KCND2: variants seen among roughly 807,000 people sequenced by gnomAD.
KCND2 encodes potassium voltage-gated channel subfamily D member 2.
KCND2 carries 16 observed loss-of-function variants against 54.4 expected under a neutral mutation model. The observed-to-expected ratio is 0.29, with a 90% CI of 0.20 to 0.45. The LOEUF (loss-of-function observed/expected upper bound fraction) is 0.45. Ranked by LOEUF, KCND2 falls within the 20% of genes least tolerant of loss-of-function variation. The pLI is 1.00. For synonymous variants in KCND2, 317 were observed against 310.7 expected, an observed-to-expected ratio of 1.02 and a Z score of -0.21; for missense variants, 486 against 824.2, an observed-to-expected ratio of 0.59 and a Z score of 5.02.
At position 120,732,874 on chromosome 7, in the gene KCND2, A is replaced by AAT. The variant is rs552647233; in HGVS notation, c.1116-18_1116-17dup. 2.3e-3 allele frequency: 3,601 copies of AAT among 1,583,854 alleles called. 13 individuals carry two copies. Among genetic ancestry groups the AAT allele is most frequent in the Middle Eastern group, 6.8e-3 (41 of 6,012 alleles). ...GAAATGTCTTTCTGTGACTTAAAAC[A>AAT]ATATATATATATTTTTTCTTTAACT... On this transcript the variant is annotated intron_variant, in intron 1 of 5. Coordinates refer to ENST00000331113, the MANE Select transcript of KCND2 (RefSeq NM_012281.3).
chr7:120,735,789 A>G (rs1360857686), intron 2 of KCND2, among the ~76,000 whole-genome samples: 1 of 152,110 alleles, frequency 6.6e-6, no homozygotes, highest in Non-Finnish European at 1.5e-5. Context: ...GGATTAATAA[A>G]GTAAAATATA....
chr7:120,284,627 G>T (rs1431864059), intron 1 of KCND2, among the ~76,000 whole-genome samples: 14 of 152,104 alleles, frequency 9.2e-5, no homozygotes, highest in Non-Finnish European at 2.9e-5. Flanking sequence ...ATTTTGACTT[G>T]CTAGGCTCGT....
intron 1 of KCND2, among the ~76,000 whole-genome samples, chr7:120,487,338 C>T (rs1012371926): frequency 4.7e-5 from 7 of 150,170 alleles, no homozygotes; most frequent in African/African-American, 9.8e-5. Flanking sequence ...TAGAATAAAA[C>T]GAACAACAAT....
At chr7:120,275,924 A>G (rs1799167004) in intron 1 of KCND2, among the ~76,000 whole-genome samples, 177 bp downstream of exon 1, 1 of 152,194 alleles carries the variant, frequency 6.6e-6, no homozygotes, top group African/African-American at 2.4e-5. Flanking sequence ...TATAATACAC[A>G]CGTTGAAGTA....
chr7:120,385,661 A>G (rs1800977272), intron 1 of KCND2, among the ~76,000 whole-genome samples: 1 of 152,180 alleles, frequency 6.6e-6, no homozygotes, highest in African/African-American at 2.4e-5. Context: ...GTTTCAAAGG[A>G]CATGATGTTT....
intron 1 of KCND2, among the ~76,000 whole-genome samples, chr7:120,699,328 T>C (rs1792372098): frequency 6.6e-6 from 1 of 152,050 alleles, no homozygotes; most frequent in African/African-American, 2.4e-5. Context: ...GTCCAAATTA[T>C]GGATCAATTT....
At chr7:120,360,692 T>A (rs748875335) in intron 1 of KCND2, among the ~76,000 whole-genome samples, 5 of 152,026 alleles carry the variant, frequency 3.3e-5, no homozygotes, top group Non-Finnish European at 7.4e-5. Context: ...CATTGACACT[T>A]TTAAACATAT....
In KCND2 at chr7:120,548,309, T is replaced by A. The variant is rs1584822986; in HGVS notation, c.1116-184594T>A. 2.0e-5 allele frequency among the ~76,000 whole-genome samples: 3 copies of A among 152,094 alleles called. No homozygotes were observed. In the East Asian group the frequency reaches 5.8e-4, roughly 29 times the overall value. ...AAAGAGAAGAAATACAGGAAGATAG[T>A]CTTATTTCTGACTGGTGAACCAATC... On this transcript the variant is annotated intron_variant, in intron 1 of 5. Coordinates refer to ENST00000331113, the MANE Select transcript of KCND2 (RefSeq NM_012281.3).
intron 1 of KCND2, among the ~76,000 whole-genome samples, chr7:120,510,886 G>A (rs1803103586): frequency 6.6e-6 from 1 of 150,588 alleles, no homozygotes; most frequent in African/African-American, 2.4e-5. Flanking sequence ...TGCCCCATGA[G>A]TCTTTGAAAT....
intron 1 of KCND2, among the ~76,000 whole-genome samples, chr7:120,520,081 A>G (rs897194356): frequency 2.6e-5 from 4 of 152,106 alleles, no homozygotes; most frequent in African/African-American, 9.6e-5. Flanking sequence ...TATATTAACA[A>G]TAGTTCTTTA....
chr7:120,347,895 G>T (rs906079097), intron 1 of KCND2, among the ~76,000 whole-genome samples: 2 of 152,132 alleles, frequency 1.3e-5, no homozygotes, highest in African/African-American at 4.8e-5. Context: ...TCTGAGATGA[G>T]GGTGCCAGCA....
At chr7:120,727,124 C>A (rs1328960215) in intron 1 of KCND2, among the ~76,000 whole-genome samples, 3 of 151,920 alleles carry the variant, frequency 2.0e-5, no homozygotes, top group Non-Finnish European at 4.4e-5. Flanking sequence ...TACATTTATA[C>A]CCATCAAATA....
At chr7:120,620,570 G>A (rs1210758183) in intron 1 of KCND2, among the ~76,000 whole-genome samples, 1 of 152,176 alleles carries the variant, frequency 6.6e-6, no homozygotes, top group African/African-American at 2.4e-5. Context: ...GAGTAAATTT[G>A]TAATCAACTT....
intron 1 of KCND2, among the ~76,000 whole-genome samples, chr7:120,337,107 G>A (rs572280823): frequency 5.5e-4 from 84 of 151,848 alleles, no homozygotes; most frequent in African/African-American, 1.8e-3. Flanking sequence ...TCACAATTTC[G>A]AGAGCTTGTC....
intron 1 of KCND2, among the ~76,000 whole-genome samples, chr7:120,368,148 A>G (rs774313168): frequency 2.0e-5 from 3 of 152,124 alleles, no homozygotes; most frequent in Non-Finnish European, 4.4e-5. Context: ...CCCTGGCTTC[A>G]ATGAAAGAAA....
At chr7:120,683,957 G>A (rs1405378519) in intron 1 of KCND2, among the ~76,000 whole-genome samples, 2 of 152,112 alleles carry the variant, frequency 1.3e-5, no homozygotes, top group Non-Finnish European at 2.9e-5. Flanking sequence ...GCGGGAAACA[G>A]CCTTGTTCTT....
intron 1 of KCND2, among the ~76,000 whole-genome samples, chr7:120,638,841 A>G (rs1297668143): frequency 6.6e-6 from 1 of 152,092 alleles, no homozygotes; most frequent in African/African-American, 2.4e-5. Flanking sequence ...AAAGATGTAT[A>G]GATTACTTAA....
At chr7:120,497,743 G>A (rs1207999141) in intron 1 of KCND2, among the ~76,000 whole-genome samples, 2 of 152,138 alleles carry the variant, frequency 1.3e-5, no homozygotes, top group African/African-American at 2.4e-5. Context: ...TTAAGGAAGG[G>A]TCCCAGAAGC....
In KCND2 at chr7:120,712,241, A is replaced by ATTTTTTTTTTTTTTTTTT. The variant is rs869059871; in HGVS notation, c.1116-20639_1116-20622dup. ...TTTTCTTTGAATTTTGGATATCTGA[A>ATTTTTTTTTTTTTTTTTT]TTTTTTTTTTTTTTTTTTTTTTTTT... On this transcript the variant is annotated intron_variant, in intron 1 of 5. Coordinates refer to ENST00000331113, the MANE Select transcript of KCND2 (RefSeq NM_012281.3). 1.1e-4 allele frequency among the ~76,000 whole-genome samples: 4 copies of ATTTTTTTTTTTTTTTTTT among 34,784 alleles called. 2 individuals are homozygous for ATTTTTTTTTTTTTTTTTT. The highest frequency in any genetic ancestry group is 2.4e-4 in the African/African-American group (2 of 8,288). 22.8% of individuals were successfully genotyped at this position (34,784 alleles called of 152,430 possible). A position where few individuals can be genotyped will look rare whatever the true frequency, so the allele number is the denominator to read the frequency against.
Sources: gnomAD v4.1 joint callset for allele counts (sites outside exome capture counted in the v4.1 genomes callset) on GRCh38, gnomAD v4.1.1 for gene constraint, MANE v1.5 for transcripts, NCBI Gene and HGNC (gene_info 2026-07-23, HGNC 2026-07-21) for gene names.